DNAJC5B: variants seen among roughly 807,000 people sequenced by gnomAD.
DNAJC5B encodes DnaJ heat shock protein family (Hsp40) member C5 beta.
DNAJC5B carries 23 observed loss-of-function variants against 24.7 expected under a neutral mutation model. The ratio of observed to expected loss-of-function variants is 0.93; its 90% CI spans 0.67 to 1.32. The LOEUF (loss-of-function observed/expected upper bound fraction) is 1.32, where lower values mean the gene tolerates loss of function less well. Among genes scored for constraint, DNAJC5B ranks in the 40% most tolerant of loss-of-function variants. The probability of loss-of-function intolerance (pLI) is 0.00; values close to 1 mark genes in which losing one functional copy is unlikely to be tolerated. For synonymous variants in DNAJC5B, 101 were observed against 90.1 expected (o/e 1.12, Z -0.68); for missense variants, 238 against 240.8 (o/e 0.99, Z 0.08).
upstream of DNAJC5B, among the ~76,000 whole-genome samples, chr8:66,021,179 GTGGGTGGATTCGGGTAAAAA>G (rs1806112578): frequency 6.6e-6 from 1 of 152,126 alleles, no homozygotes; most frequent in Non-Finnish European, 1.5e-5. Flanking sequence ...GTCTCTTGTT[GTGGGTGGATTCGGGTAAAAA>G]TTGTCTTCAC....
At chr8:66,074,729 C>A (rs1374737047) in intron 3 of DNAJC5B, among the ~76,000 whole-genome samples, 1 of 152,224 alleles carries the variant, frequency 6.6e-6, no homozygotes, top group Non-Finnish European at 1.5e-5. Context: ...CTATGGACAA[C>A]ATGCAAGAGG....
chr8:66,037,219 G>A (rs533222256), intron 1 of DNAJC5B, among the ~76,000 whole-genome samples: 79 of 152,314 alleles, frequency 5.2e-4, no homozygotes, highest in African/African-American at 1.9e-3. Context: ...CTGGGGTCTT[G>A]AACAGTTTCC....
chr8:66,085,685 T>C (rs1807708720), intron 5 of DNAJC5B, among the ~76,000 whole-genome samples: 1 of 152,144 alleles, frequency 6.6e-6, no homozygotes, highest in Admixed American at 6.5e-5. Context: ...CCACACTGTC[T>C]TGCTCTCTTG....
At chr8:66,095,505 A>C (rs1807931622) in intron 5 of DNAJC5B, among the ~76,000 whole-genome samples, 1 of 150,212 alleles carries the variant, frequency 6.7e-6, no homozygotes, top group Admixed American at 6.6e-5. Context: ...TTTCTACTTA[A>C]TTTCTTTCTT....
At chr8:66,042,967 T>G (rs79949060) in intron 1 of DNAJC5B, among the ~76,000 whole-genome samples, 8,348 of 152,070 alleles carry the variant, frequency 0.055, 342 homozygotes, top group Middle Eastern at 0.099. Context: ...CATGTAAAAC[T>G]TTTTTAGTCT....
chr8:66,065,755 G>A (rs1807178558), intron 3 of DNAJC5B, among the ~76,000 whole-genome samples: 1 of 152,152 alleles, frequency 6.6e-6, no homozygotes. Context: ...GTGTGAGAGG[G>A]GCCCTCATAG....
chr8:66,063,643 T>C (rs116585199), intron 3 of DNAJC5B, among the ~76,000 whole-genome samples: 4 of 152,208 alleles, frequency 2.6e-5, no homozygotes, highest in African/African-American at 9.7e-5. Context: ...TAGTTCTTCA[T>C]GCAGTGCCAA....
At chr8:66,021,070 C>A (rs1806109784), upstream of DNAJC5B, among the ~76,000 whole-genome samples, 1 of 152,168 alleles carries the variant, frequency 6.6e-6, no homozygotes, top group Non-Finnish European at 1.5e-5. Flanking sequence ...TGAGTCTGGG[C>A]TGGGACCAGA....
At chr8:66,016,413 T>G in the DNAJC5B span, among the ~76,000 whole-genome samples, 1 of 152,138 alleles carries the variant, frequency 6.6e-6, no homozygotes, top group African/African-American at 2.4e-5. Context: ...GCATTTCCCC[T>G]GCTCCCACTC....
intron 2 of DNAJC5B, among the ~76,000 whole-genome samples, chr8:66,047,345 G>A (rs1806743453): frequency 6.6e-6 from 1 of 152,140 alleles, no homozygotes; most frequent in Non-Finnish European, 1.5e-5. Context: ...TCATCCTCCT[G>A]AATAACCGAC....
At chr8:66,081,736 C>A (rs919574069) in intron 5 of DNAJC5B, among the ~76,000 whole-genome samples, 5 of 152,088 alleles carry the variant, frequency 3.3e-5, no homozygotes, top group Non-Finnish European at 7.3e-5. Context: ...TTAGAGAGGA[C>A]AGAAGGAGTT....
At chr8:66,060,607 A>C (rs1807060323) in intron 3 of DNAJC5B, among the ~76,000 whole-genome samples, 1 of 152,250 alleles carries the variant, frequency 6.6e-6, no homozygotes, top group Non-Finnish European at 1.5e-5. Context: ...GTTGCTCAGC[A>C]AGAACTGTGG....
chr8:66,060,218 T>A (rs1807051465), intron 3 of DNAJC5B, among the ~76,000 whole-genome samples: 1 of 152,178 alleles, frequency 6.6e-6, no homozygotes, highest in Admixed American at 6.5e-5. Flanking sequence ...CTAGATCTCA[T>A]CCAACAGACC....
intron 3 of DNAJC5B, among the ~76,000 whole-genome samples, chr8:66,067,898 C>T (rs74808967): frequency 0.041 from 6,186 of 152,258 alleles, 430 homozygotes; most frequent in African/African-American, 0.14. Flanking sequence ...AAATAAAATG[C>T]TTGTTCTTTT....
Position 66,100,271 on chromosome 8 carries a change from C to A in DNAJC5B, c.*240C>A. On this transcript the variant is annotated 3_prime_UTR_variant, in exon 6 of 6. Coordinates refer to ENST00000276570, the MANE Select transcript of DNAJC5B (RefSeq NM_033105.6). ...ATAAAGGCCTGAAGAGTTATTTTAC[C>A]CTCCTTGCCTGATGTAGGACAGTGG... The A allele has an allele frequency of 2.4e-6, 1 of 412,092 alleles. No individual in the cohort carries two copies. The allele number at this position is 412,092 out of a possible 1,614,324, so 25.5% of individuals were successfully genotyped here.
At position 66,082,691 on chromosome 8, in the gene DNAJC5B, T is replaced by C. The variant is rs113164010; in HGVS notation, c.505+2143T>C. On this transcript the variant is annotated intron_variant, in intron 5 of 5. Coordinates refer to ENST00000276570, the MANE Select transcript of DNAJC5B (RefSeq NM_033105.6). Reference sequence around the variant, plus strand: ...TTGTTTCTAAATATTTAGCAGCTCCTATGCAGGGATCCAGATTTTGTGGGA... The same window carrying C: ...TTGTTTCTAAATATTTAGCAGCTCCCATGCAGGGATCCAGATTTTGTGGGA... 1.3e-3 allele frequency among the ~76,000 whole-genome samples: 201 copies of C among 152,290 alleles called. 1 individual carries two copies. Among genetic ancestry groups the C allele is most frequent in the African/African-American group, 4.5e-3 (189 of 41,570 alleles).
intron 3 of DNAJC5B, chr8:66,057,377 C>T (rs1806988273): frequency 6.6e-6 from 1 of 152,108 alleles, no homozygotes; most frequent in Non-Finnish European, 1.5e-5. Flanking sequence ...ATAGAATGTT[C>T]CCGATCTGAA....
chr8:66,035,671 G>C (rs546930599), intron 1 of DNAJC5B, among the ~76,000 whole-genome samples: 34 of 152,292 alleles, frequency 2.2e-4, no homozygotes, highest in African/African-American at 7.9e-4. Flanking sequence ...CTTGACTTCT[G>C]ACTTCTGACT....
Position 66,080,676 on chromosome 8 carries a change from C to T in DNAJC5B, c.505+128C>T, listed in dbSNP as rs559194838. 1,274 of 770,798 alleles carry T rather than the reference C, an allele frequency of 1.7e-3. 2 individuals are homozygous for T. The highest frequency in any genetic ancestry group is 2.0e-3 in the Non-Finnish European group (1,007 of 502,842). 47.7% of individuals were successfully genotyped at this position (770,798 alleles called of 1,614,324 possible). A position where few individuals can be genotyped will look rare whatever the true frequency, so the allele number is the denominator to read the frequency against. On this transcript the variant is annotated intron_variant, in intron 5 of 5. Transcript: ENST00000276570. ...AACCAAATGGGTGGAACTTCACAGA[C>T]TGTCAGCTTTGGTACAGCTTCTGGG...
Sources: allele counts gnomAD v4.1 joint callset (sites outside exome capture counted in the v4.1 genomes callset), GRCh38; gene constraint gnomAD v4.1.1; transcripts MANE v1.5; gene names NCBI Gene and HGNC (gene_info 2026-07-23, HGNC 2026-07-21).